The following PLCB4 variants were observed in gnomAD, a reference collection of about 807,000 sequenced individuals.
The protein encoded by PLCB4 is 1-phosphatidylinositol 4,5-bisphosphate phosphodiesterase beta-4.
Under a neutral mutation model 178.8 loss-of-function variants are expected in PLCB4, and 77 were observed. The observed-to-expected ratio is 0.43, with a 90% CI of 0.36 to 0.52. The LOEUF is 0.52. PLCB4 is among the 20% of genes least tolerant of loss of function. The pLI is 0.00. For missense variants in PLCB4, 1,024 were observed against 1,453.4 expected, an observed-to-expected ratio of 0.70 and a Z score of 4.80; for synonymous variants, 496 against 490.8, an observed-to-expected ratio of 1.01 and a Z score of -0.14.
At chr20:9,324,362 G>A (rs890212475) in intron 4 of PLCB4, among the ~76,000 whole-genome samples, 1 of 152,192 alleles carries the variant, frequency 6.6e-6, no homozygotes, top group Non-Finnish European at 1.5e-5. Flanking sequence ...GGAGGCAGAG[G>A]TTGCAGTGAG....
At chr20:9,282,774 C>T (rs2094505057) in intron 3 of PLCB4, among the ~76,000 whole-genome samples, 2 of 151,986 alleles carry the variant, frequency 1.3e-5, no homozygotes, top group Admixed American at 6.6e-5. Flanking sequence ...TGGCTTGGCT[C>T]AGGTTGGATA....
chr20:9,230,619 G>A (rs1490703617), intron 3 of PLCB4, among the ~76,000 whole-genome samples: 1 of 152,066 alleles, frequency 6.6e-6, no homozygotes, highest in Non-Finnish European at 1.5e-5. Flanking sequence ...AGCAATTTGG[G>A]CTGGCCTTGA....
intron 4 of PLCB4, among the ~76,000 whole-genome samples, chr20:9,309,845 T>A (rs1204586531): frequency 1.3e-5 from 2 of 152,196 alleles, no homozygotes; most frequent in Admixed American, 6.5e-5. Flanking sequence ...ACAGCTCATA[T>A]TAGGAAATAC....
chr20:9,078,640 G>A (rs2089996486), intron 1 of PLCB4, among the ~76,000 whole-genome samples: 1 of 152,186 alleles, frequency 6.6e-6, no homozygotes, highest in African/African-American at 2.4e-5. Flanking sequence ...GGGATTACAG[G>A]TGTGAGCCAC....
intron 3 of PLCB4, among the ~76,000 whole-genome samples, chr20:9,274,493 A>G (rs1457470796): frequency 6.6e-6 from 1 of 152,066 alleles, no homozygotes; most frequent in East Asian, 1.9e-4. Context: ...CCCCCAAATT[A>G]TCAGATTCTG....
chr20:9,302,789 G>A (rs114883040), intron 3 of PLCB4, among the ~76,000 whole-genome samples: 361 of 152,134 alleles, frequency 2.4e-3, no homozygotes, highest in African/African-American at 8.5e-3. Context: ...TCATATACTG[G>A]GTACTCATGT....
intron 3 of PLCB4, among the ~76,000 whole-genome samples, chr20:9,237,843 C>CT (rs965203373): frequency 1.4e-4 from 21 of 150,488 alleles, no homozygotes; most frequent in Admixed American, 9.5e-4. Context: ...ATAGTGGAAT[C>CT]TTTTTTTTTC....
rs201212655 is a variant in PLCB4 at position 9,106,537 on chromosome 20, ATG to A, written c.-79+10196_-79+10197del. On this transcript the variant is annotated intron_variant, in intron 2 of 39. Transcript: ENST00000378473. ...GAATAAAATATCAAATATGACACAC[ATG>A]CACACACACACACACACACACAAAA... Among the ~76,000 whole-genome samples, 439 of 151,330 alleles carry A rather than the reference ATG, an allele frequency of 2.9e-3. 2 individuals are homozygous for A. The highest frequency in any genetic ancestry group is 0.01 in the African/African-American group (426 of 41,408).
At chr20:9,455,989 C>G (rs1225725760) in intron 33 of PLCB4, among the ~76,000 whole-genome samples, 1 of 152,134 alleles carries the variant, frequency 6.6e-6, no homozygotes, top group Admixed American at 6.5e-5. Flanking sequence ...GTACATGCTG[C>G]CATGCCGGCT....
chr20:9,136,610 G>A (rs570570072), intron 2 of PLCB4, among the ~76,000 whole-genome samples: 39 of 152,128 alleles, frequency 2.6e-4, no homozygotes, highest in Admixed American at 2.2e-3. Context: ...TGAATCAGTG[G>A]GAATGTGGAG....
chr20:9,414,196 T>C (rs150107217), intron 25 of PLCB4, among the ~76,000 whole-genome samples: 58 of 152,324 alleles, frequency 3.8e-4, no homozygotes, highest in African/African-American at 1.4e-3. Flanking sequence ...AGCTGAAAAA[T>C]AGCCTGTGCA....
At chr20:9,282,422 A>T (rs1467797089) in intron 3 of PLCB4, among the ~76,000 whole-genome samples, 3 of 152,004 alleles carry the variant, frequency 2.0e-5, no homozygotes, top group African/African-American at 7.2e-5. Context: ...AGAGTCACAG[A>T]TGGTTTGCTT....
chr20:9,310,736 A>T (rs1370845072), intron 4 of PLCB4, among the ~76,000 whole-genome samples: 1 of 152,264 alleles, frequency 6.6e-6, no homozygotes, highest in African/African-American at 2.4e-5. Context: ...AATAAATAAA[A>T]AAAGGGAGCA....
chr20:9,422,871 G>A (rs891061989), intron 27 of PLCB4, among the ~76,000 whole-genome samples: 2 of 152,208 alleles, frequency 1.3e-5, no homozygotes, highest in South Asian at 2.1e-4. Flanking sequence ...TCTTCATTAA[G>A]CTGGAATTAA....
chr20:9,473,228 A>T lies in PLCB4; in HGVS notation c.3409-51A>T, dbSNP rs369348375. The stretch of plus-strand genomic sequence containing the variant: ...CAAGTCATCTCTCATCCCTGTTTTA[A>T]GATTGTAACCCAAAGTTCAATCAGA... On this transcript the variant is annotated intron_variant, in intron 37 of 39. Transcript: ENST00000378473. 249 of 1,187,974 alleles carry T rather than the reference A, an allele frequency of 2.1e-4. 2 individuals are homozygous for T. The highest frequency in any genetic ancestry group is 4.2e-5 in the Non-Finnish European group (35 of 835,904). The allele number at this position is 1,187,974 out of a possible 1,614,324, so 73.6% of individuals were successfully genotyped here.
At chr20:9,437,297 C>A in intron 30 of PLCB4, 145 bp downstream of exon 30, 1 of 711,776 alleles carries the variant, frequency 1.4e-6, no homozygotes, top group Non-Finnish European at 2.2e-6. Context: ...AATTCATCCC[C>A]ACTCTCTTCC....
intron 30 of PLCB4, among the ~76,000 whole-genome samples, chr20:9,438,791 G>A (rs2041936402): frequency 6.6e-6 from 1 of 152,158 alleles, no homozygotes; most frequent in East Asian, 1.9e-4. Flanking sequence ...TGAACCAGGG[G>A]TGATTGGATG....
At chr20:9,126,536 C>T (rs1215209726) in intron 2 of PLCB4, among the ~76,000 whole-genome samples, 1 of 152,132 alleles carries the variant, frequency 6.6e-6, no homozygotes, top group Non-Finnish European at 1.5e-5. Context: ...ACCATGATAA[C>T]ATATTACTTT....
chr20:9,458,505 A>G (rs538826168), intron 34 of PLCB4, among the ~76,000 whole-genome samples: 1 of 152,312 alleles, frequency 6.6e-6, no homozygotes, highest in African/African-American at 2.4e-5. Context: ...TTAGGTCACA[A>G]TTCAGTGGGT....
Sources: allele counts gnomAD v4.1 joint callset (sites outside exome capture counted in the v4.1 genomes callset), GRCh38; gene constraint gnomAD v4.1.1; transcripts MANE v1.5; gene names NCBI Gene and HGNC (gene_info 2026-07-23, HGNC 2026-07-21).